The following IDH2 variants were observed in gnomAD, a reference collection of about 807,000 sequenced individuals.
The protein encoded by IDH2 is isocitrate dehydrogenase (NADP(+)) 2, also known as isocitrate dehydrogenase [NADP], mitochondrial.
A neutral mutation model predicts 50.5 loss-of-function variants in IDH2; 18 were observed. The observed-to-expected ratio is 0.36, with a 90% CI of 0.25 to 0.53. The LOEUF (loss-of-function observed/expected upper bound fraction) is 0.53. Among genes scored for constraint, IDH2 ranks in the 20% least tolerant of loss-of-function variants. IDH2 has a pLI of 0.92. For synonymous variants in IDH2, 280 were observed against 239.8 expected (o/e 1.17, Z -1.55); for missense variants, 518 against 610.7 (o/e 0.85, Z 1.60).
At chr15:90,092,728 C>T (rs1359767311) in intron 1 of IDH2, among the ~76,000 whole-genome samples, 1 of 152,112 alleles carries the variant, frequency 6.6e-6, no homozygotes, top group Non-Finnish European at 1.5e-5. Flanking sequence ...AGGTGTGCAC[C>T]ACAACACCTG....
chr15:90,096,494 A>AAC (rs1901184279), intron 1 of IDH2, among the ~76,000 whole-genome samples: 2 of 151,632 alleles, frequency 1.3e-5, no homozygotes, highest in Non-Finnish European at 2.9e-5. Flanking sequence ...TCAGGAAAAG[A>AAC]AAAACAAAAC....
Position 90,100,935 on chromosome 15 carries a change from TTTC to T in IDH2, c.115+1338_115+1340del, listed in dbSNP as rs1320227941. 9.1e-4 allele frequency among the ~76,000 whole-genome samples: 62 copies of T among 67,838 alleles called. No individual in the cohort carries two copies. The highest frequency in any genetic ancestry group is 1.7e-3 in the Non-Finnish European group (47 of 27,652). The allele number at this position is 67,838 out of a possible 152,430, so 44.5% of individuals were successfully genotyped here. A position where few individuals can be genotyped will look rare whatever the true frequency, so the allele number is the denominator to read the frequency against. On this transcript the variant is annotated intron_variant, in intron 1 of 10. Transcript: ENST00000330062. This position sits in a 1 kb window ranked among gnomAD's most constrained non-coding sequence, Gnocchi z 4.1. ...TTGTGTGTGTTTTTCGGGTTGTTTG[TTTC>T]TTTTTTTTTTTTTTACCATCAAGGC...
rs566014520 is a variant in IDH2, at chr15:90,092,431, G to A, written c.116-787C>T. Among the ~76,000 whole-genome samples the A allele has an allele frequency of 5.3e-5, 8 of 150,060 alleles. No homozygotes were observed. The South Asian group carries it at 1.7e-3, about 32-fold the overall frequency. ...CCTTTCTCTCTCTCTTTCTTGGCAG[G>A]GTCCTGTTCCATTGGTCAGGCTGGA... On this transcript the variant is annotated intron_variant, in intron 1 of 10. Coordinates refer to ENST00000330062, the MANE Select transcript of IDH2 (RefSeq NM_002168.4).
At chr15:90,099,078 C>T (rs535502091) in intron 1 of IDH2, among the ~76,000 whole-genome samples, 1 of 152,316 alleles carries the variant, frequency 6.6e-6, no homozygotes, top group South Asian at 2.1e-4. Flanking sequence ...ATCCCCAGCG[C>T]CACCACCCAG....
At chr15:90,087,297 C>T (rs2151548240) in intron 6 of IDH2, 34 bp from the exon 7 acceptor site, 1 of 1,613,978 alleles carries the variant, frequency 6.2e-7, no homozygotes, top group Non-Finnish European at 8.5e-7. Flanking sequence ...GGGGAGAGGG[C>T]AGAAGGCTGA....
At position 90,084,519 on chromosome 15, in the gene IDH2, G is replaced by A. The variant is rs1596071601; in HGVS notation, c.1272-166C>T. Among the ~76,000 whole-genome samples the A allele has an allele frequency of 6.6e-6, 1 of 152,182 alleles. No homozygotes were observed. The highest frequency in any genetic ancestry group is 2.4e-5 in the African/African-American group (1 of 41,432). On this transcript the variant is annotated intron_variant, in intron 10 of 10. Coordinates refer to ENST00000330062, the MANE Select transcript of IDH2 (RefSeq NM_002168.4). This position sits in a 1 kb window ranked among gnomAD's most constrained non-coding sequence, Gnocchi z 5.0. ...TATAGCCCCCTACCATGAGGCCACCGAGATTCGGCAGGCACCCGCAGGGTC... is the reference window on the plus strand; with the variant it reads ...TATAGCCCCCTACCATGAGGCCACCAAGATTCGGCAGGCACCCGCAGGGTC...
intron 1 of IDH2, among the ~76,000 whole-genome samples, chr15:90,096,348 G>C (rs906736887): frequency 1.3e-5 from 2 of 151,980 alleles, no homozygotes; most frequent in Admixed American, 6.6e-5. Context: ...GACATTTCAA[G>C]TCCAAAGATG....
intron 1 of IDH2, among the ~76,000 whole-genome samples, chr15:90,094,162 C>A (rs1901121611): frequency 6.6e-6 from 1 of 152,096 alleles, no homozygotes; most frequent in Non-Finnish European, 1.5e-5. Context: ...TCCAGGGAGA[C>A]CAGTGGAGGG....
rs919272509 is a variant in IDH2 at position 90,100,324 on chromosome 15, C to T, written c.115+1952G>A. ...CAGCCCAAGGGCCCTCAACTTCACA[C>T]AGAAGATGTGGGAGCAGGCCTCAGC... On this transcript the variant is annotated intron_variant, in intron 1 of 10. Transcript: ENST00000330062. This position sits in a 1 kb window ranked among gnomAD's most constrained non-coding sequence, Gnocchi z 4.1. Among the ~76,000 whole-genome samples, 1 of 152,176 alleles carries T rather than the reference C, an allele frequency of 6.6e-6. No individual in the cohort carries two copies. The highest frequency in any genetic ancestry group is 6.5e-5 in the Admixed American group (1 of 15,280).
chr15:90,086,593 G>C (rs1333188844), intron 7 of IDH2, among the ~76,000 whole-genome samples: 1 of 152,006 alleles, frequency 6.6e-6, no homozygotes, highest in African/African-American at 2.4e-5. Context: ...ATTTTTAGTA[G>C]AGACGGGGTT....
rs1901359085 is a variant in IDH2, at chr15:90,102,351, C to A, written c.40G>T (p.Ala14Ser). The change falls in exon 1 of 11, where the codon GCC (alanine) becomes TCC (serine). Residue 14 changes from alanine (A) to serine (S), a missense_variant. By Grantham distance (99) the Ala-to-Ser change is moderately conservative. This residue lies in a region of IDH2 where 85 missense variants were observed against 66.9 expected (regional missense o/e 1.27). Transcript: ENST00000330062. Reference protein sequence around the residue: ...YLRVVRSLCRASGSRPAWAPA... With the variant: ...YLRVVRSLCRSSGSRPAWAPA... ...GCCCAGGCCGGCCGCGAGCCTGAGG[C>A]TCTGCAGAGCGAGCGCACGACCCGC... 7.3e-7 allele frequency: 1 copy of A among 1,367,834 alleles called. No individual in the cohort carries two copies. Among genetic ancestry groups the A allele is most frequent in the South Asian group, 1.6e-5 (1 of 63,228 alleles). 84.7% of individuals were successfully genotyped at this position (1,367,834 alleles called of 1,614,324 possible). A position where few individuals can be genotyped will look rare whatever the true frequency, so the allele number is the denominator to read the frequency against.
Position 90,100,762 on chromosome 15 carries a change from G to A in IDH2, c.115+1514C>T, listed in dbSNP as rs777568092. 3.8e-5 allele frequency: 19 copies of A among 503,492 alleles called. No individual in the cohort carries two copies. The highest frequency in any genetic ancestry group is 1.7e-4 in the African/African-American group (8 of 47,856). The allele number at this position is 503,492 out of a possible 1,614,324, so 31.2% of individuals were successfully genotyped here. On this transcript the variant is annotated intron_variant, in intron 1 of 10. Coordinates refer to ENST00000330062, the MANE Select transcript of IDH2 (RefSeq NM_002168.4). This position sits in a 1 kb window ranked among gnomAD's most constrained non-coding sequence, Gnocchi z 4.1. ...TGCCAGGTAACAAGCTGGCAGAGTCGCAACTGTAGAGTCTGATGTCCAACT... is the reference window on the plus strand; with the variant it reads ...TGCCAGGTAACAAGCTGGCAGAGTCACAACTGTAGAGTCTGATGTCCAACT...
chr15:90,089,737 C>T (rs1283795127), intron 3 of IDH2, among the ~76,000 whole-genome samples: 2 of 152,228 alleles, frequency 1.3e-5, no homozygotes, highest in African/African-American at 2.4e-5. Flanking sequence ...ACCATCCTTT[C>T]TCGAATTATC....
At chr15:90,087,695 G>A (rs1039159478) in intron 5 of IDH2, 120 bp from the exon 6 acceptor site, 9 of 1,067,266 alleles carry the variant, frequency 8.4e-6, no homozygotes, top group South Asian at 6.3e-5. Context: ...CCACGCGACT[G>A]TTTAACACCA....
chr15:90,089,702 AAG>A (rs1172036621), intron 3 of IDH2, among the ~76,000 whole-genome samples: 1 of 152,228 alleles, frequency 6.6e-6, no homozygotes, highest in East Asian at 1.9e-4. Flanking sequence ...GGAAAGTAGG[AAG>A]AGAGAGCTCA....
At position 90,084,697 on chromosome 15, in the gene IDH2, A is replaced by G; in HGVS notation, c.1271+119T>C. On this transcript the variant is annotated intron_variant, in intron 10 of 10. Transcript: ENST00000330062. The surrounding 1 kb of genome is among the most constrained non-coding windows in gnomAD (Gnocchi z 5.0). ...CCTGAGCAGTCTCTCAGGGCTGTGG[A>G]CATGTCCTGCCCCAGGCCCCCTTGC... 1 of 846,440 alleles carries G rather than the reference A, an allele frequency of 1.2e-6. No homozygotes were observed. 52.4% of individuals were successfully genotyped at this position (846,440 alleles called of 1,614,324 possible). A position where few individuals can be genotyped will look rare whatever the true frequency, so the allele number is the denominator to read the frequency against.
chr15:90,092,506 A>T (rs1901068674), intron 1 of IDH2, among the ~76,000 whole-genome samples: 1 of 152,030 alleles, frequency 6.6e-6, no homozygotes, highest in Non-Finnish European at 1.5e-5. Flanking sequence ...CCTGGCTTCA[A>T]GTGATCCTCT....
chr15:90,096,104 C>T (rs1411388524), intron 1 of IDH2, among the ~76,000 whole-genome samples: 1 of 152,096 alleles, frequency 6.6e-6, no homozygotes, highest in Non-Finnish European at 1.5e-5. Flanking sequence ...CGAGACCAGC[C>T]TGGCCACAAT....
chr15:90,102,322 C>G lies in IDH2; in HGVS notation c.69G>C (p.Pro23=). The G allele has an allele frequency of 2.2e-6, 3 of 1,357,808 alleles. No homozygotes were observed. The highest frequency in any genetic ancestry group is 5.3e-5 in the Admixed American group (2 of 37,972). 84.1% of individuals were successfully genotyped at this position (1,357,808 alleles called of 1,614,324 possible). A position where few individuals can be genotyped will look rare whatever the true frequency, so the allele number is the denominator to read the frequency against. Residue 23 remains proline (P), a synonymous_variant, in exon 1 of 11, where the codon CCG becomes CCC. Transcript: ENST00000330062. ...GCGAGGTGGGGGCTGTCAGGGCCGC[C>G]GGCGCCCAGGCCGGCCGCGAGCCTG... ...RASGSRPAWA[P]AALTAPTSQE... is the part of the protein sequence containing the mutation.
Sources: gnomAD v4.1 joint callset for allele counts (sites outside exome capture counted in the v4.1 genomes callset) on GRCh38, gnomAD v4.1.1 for gene constraint, gnomAD v4.1.1 regional missense constraint, Gnocchi (gnomAD v3.1) non-coding constraint, MANE v1.5 for transcripts, NCBI Gene and HGNC (gene_info 2026-07-23, HGNC 2026-07-21) for gene names.